Variants in NPFFR1 observed in about 807,000 individuals in gnomAD.
NPFFR1 encodes G-protein coupled receptor 147.
A neutral mutation model predicts 12.7 loss-of-function variants in NPFFR1; 17 were observed. That is an observed-to-expected ratio of 1.34 (90% confidence interval 0.92 to 2.01). The LOEUF (loss-of-function observed/expected upper bound fraction) is 2.01. NPFFR1 is among the 30% of genes most tolerant of loss of function. The pLI is 0.00. For synonymous variants in NPFFR1, 296 were observed against 264.5 expected (o/e 1.12, Z -1.16); for missense variants, 604 against 606.5 (o/e 1.00, Z 0.04).
Position 70,266,383 on chromosome 10 carries a change from A to C in NPFFR1, c.16T>G (p.Ser6Ala), listed in dbSNP as rs1034022832. MEGEP[S>A]QPPNSSWPLS... Reference sequence around the variant, plus strand: ...GGCCAACTGCTGTTGGGAGGCTGGGAGGGCTCCCCTAGGACCAAAGGAATA... The same window carrying C: ...GGCCAACTGCTGTTGGGAGGCTGGGCGGGCTCCCCTAGGACCAAAGGAATA... Residue 6 changes from serine to alanine, a missense_variant, in exon 2 of 4, where the codon TCC (serine) becomes GCC (alanine). Transcript: ENST00000277942. 1.1e-5 allele frequency: 18 copies of C among 1,612,132 alleles called. No individual in the cohort carries two copies. The highest frequency in any genetic ancestry group is 1.5e-5 in the Non-Finnish European group (18 of 1,178,906).
chr10:70,259,761 T>C (rs1436867239), intron 3 of NPFFR1, among the ~76,000 whole-genome samples: 1 of 152,198 alleles, frequency 6.6e-6, no homozygotes, highest in Non-Finnish European at 1.5e-5. Flanking sequence ...CAACTGATAT[T>C]TGGACTCTAT....
At chr10:70,265,497 C>G (rs1181127578) in intron 2 of NPFFR1, among the ~76,000 whole-genome samples, 2 of 152,176 alleles carry the variant, frequency 1.3e-5, no homozygotes, top group Non-Finnish European at 2.9e-5. Context: ...TTAGACACTC[C>G]AAGGGACAGA....
chr10:70,281,088 C>T (rs1247733787), intron 1 of NPFFR1, among the ~76,000 whole-genome samples: 1 of 152,180 alleles, frequency 6.6e-6, no homozygotes. Flanking sequence ...CAGAGATAAC[C>T]CCTATGTTTG....
At chr10:70,273,648 G>A (rs1046164572) in intron 1 of NPFFR1, among the ~76,000 whole-genome samples, 1 of 152,106 alleles carries the variant, frequency 6.6e-6, no homozygotes. Flanking sequence ...TTGAGGGACC[G>A]TCCATCAGGT....
intron 1 of NPFFR1, among the ~76,000 whole-genome samples, chr10:70,278,307 C>T (rs59189206): frequency 1.8e-4 from 25 of 139,016 alleles, no homozygotes; most frequent in African/African-American, 2.8e-4. Flanking sequence ...ACCCACCCCC[C>T]ACCCTGCCCC....
intron 2 of NPFFR1, among the ~76,000 whole-genome samples, chr10:70,264,621 G>A (rs1048727825): frequency 4.6e-5 from 7 of 152,160 alleles, no homozygotes; most frequent in African/African-American, 7.2e-5. Context: ...TAAGTGGGGT[G>A]TGGTGGGAAG....
chr10:70,273,126 A>C (rs1482615241), intron 1 of NPFFR1, among the ~76,000 whole-genome samples: 1 of 152,148 alleles, frequency 6.6e-6, no homozygotes, highest in Admixed American at 6.5e-5. Flanking sequence ...CTCATATCAA[A>C]ATCACCTGGC....
rs777630941 is a variant in NPFFR1 at position 70,255,744 on chromosome 10, G to T, written c.506C>A (p.Ala169Glu). 2.5e-6 allele frequency: 4 copies of T among 1,611,358 alleles called. No homozygotes were observed. The highest frequency in any genetic ancestry group is 3.4e-6 in the Non-Finnish European group (4 of 1,178,914). ...LVTIAVIWAL[A>E]LLIMCPSAVT... ...GGCCGAGGGACACATGATGAGCAGC[G>T]CCAGGGCCCAGATGACGGCGATGGT... Residue 169 changes from alanine (A) to glutamate (E), a missense_variant, in exon 4 of 4, where the codon GCG becomes GAG. Coordinates refer to ENST00000277942, the MANE Select transcript of NPFFR1 (RefSeq NM_022146.5). The surrounding 1 kb of genome is among the most constrained non-coding windows in gnomAD (Gnocchi z 4.2).
chr10:70,256,430 G>C (rs936604162), intron 3 of NPFFR1, among the ~76,000 whole-genome samples: 2 of 152,226 alleles, frequency 1.3e-5, no homozygotes, highest in Non-Finnish European at 2.9e-5. Flanking sequence ...CTAGCAGAGC[G>C]ATCAGAGTGC....
chr10:70,277,708 C>T (rs1434895690), intron 1 of NPFFR1, among the ~76,000 whole-genome samples: 6 of 152,062 alleles, frequency 3.9e-5, no homozygotes, highest in Non-Finnish European at 5.9e-5. Context: ...GGGTAGGCAG[C>T]TGTGGAGGCC....
At chr10:70,266,428 C>T (rs766186540) in intron 1 of NPFFR1, 37 bp from the exon 2 acceptor site, 6 of 1,519,762 alleles carry the variant, frequency 3.9e-6, no homozygotes, top group Non-Finnish European at 5.4e-6. Context: ...GGACCTTAGG[C>T]AAAGAAGAGA....
chr10:70,272,790 C>T (rs1411262083), intron 1 of NPFFR1, among the ~76,000 whole-genome samples: 5 of 152,198 alleles, frequency 3.3e-5, no homozygotes, highest in Admixed American at 6.5e-5. Flanking sequence ...GGACCCGCCC[C>T]CAGATCCAGC....
In NPFFR1 at chr10:70,252,442, AATAG is replaced by A. The variant is rs1355491501; in HGVS notation, c.*2511_*2514del. On this transcript the variant is annotated 3_prime_UTR_variant, in exon 4 of 4. Coordinates refer to ENST00000277942, the MANE Select transcript of NPFFR1 (RefSeq NM_022146.5). ...GTTTGGGATAATAAAAAATTCTGAA[AATAG>A]ATAGTGGTAATGGTTACACAACAAT... The A allele has an allele frequency of 2.0e-5, 3 of 152,234 alleles. No homozygotes were observed. Among genetic ancestry groups the A allele is most frequent in the Non-Finnish European group, 2.9e-5 (2 of 68,034 alleles). 9.4% of individuals were successfully genotyped at this position (152,234 alleles called of 1,614,324 possible).
At chr10:70,266,439 T>C (rs751440576) in intron 1 of NPFFR1, 48 bp from the exon 2 acceptor site, 12 of 1,467,598 alleles carry the variant, frequency 8.2e-6, no homozygotes, top group Non-Finnish European at 1.1e-5. Context: ...AAAGAAGAGA[T>C]TACCGATTTC....
chr10:70,264,366 CAAAAAAAAAAA>C (rs56178146), intron 2 of NPFFR1, among the ~76,000 whole-genome samples: 1 of 74,582 alleles, frequency 1.3e-5, no homozygotes, highest in East Asian at 4.0e-4. Flanking sequence ...AGTGAGACTC[CAAAAAAAAAAA>C]AAAAAAAAAA....
chr10:70,272,942 G>A (rs887307206), intron 1 of NPFFR1, among the ~76,000 whole-genome samples: 91 of 152,346 alleles, frequency 6.0e-4, no homozygotes, highest in East Asian at 1.9e-4. Flanking sequence ...AAAAGTGTGC[G>A]TTTATGTGAA....
Position 70,255,761 on chromosome 10 carries a change from G to A in NPFFR1, c.489C>T (p.Ala163=). The A allele has an allele frequency of 1.2e-6, 2 of 1,611,808 alleles. No homozygotes were observed. The highest frequency in any genetic ancestry group is 2.2e-5 in the South Asian group (2 of 90,542). Reference sequence around the variant, plus strand: ...TGAGCAGCGCCAGGGCCCAGATGACGGCGATGGTGACGAGCGCCTTCCGCA... The same window carrying A: ...TGAGCAGCGCCAGGGCCCAGATGACAGCGATGGTGACGAGCGCCTTCCGCA... ...LTLRKALVTI[A]VIWALALLIM... is the part of the protein sequence containing the mutation. Residue 163 remains alanine (A), a synonymous_variant, in exon 4 of 4, where the codon GCC becomes GCT. Coordinates refer to ENST00000277942, the MANE Select transcript of NPFFR1 (RefSeq NM_022146.5). The surrounding 1 kb of genome is among the most constrained non-coding windows in gnomAD (Gnocchi z 4.2).
chr10:70,279,554 G>A (rs559684832), intron 1 of NPFFR1, among the ~76,000 whole-genome samples: 79 of 151,896 alleles, frequency 5.2e-4, no homozygotes, highest in African/African-American at 1.9e-3. Flanking sequence ...CCACCCCCTG[G>A]GCTTAAGCAA....
chr10:70,263,829 A>T (rs1840659329), intron 2 of NPFFR1, among the ~76,000 whole-genome samples: 1 of 150,230 alleles, frequency 6.7e-6, no homozygotes, highest in Non-Finnish European at 1.5e-5. Context: ...AAGGAAGAAA[A>T]AGCTGGGCAT....
Sources: allele counts gnomAD v4.1 joint callset (sites outside exome capture counted in the v4.1 genomes callset), GRCh38; gene constraint gnomAD v4.1.1; non-coding constraint Gnocchi (gnomAD v3.1); transcripts MANE v1.5; gene names NCBI Gene and HGNC (gene_info 2026-07-23, HGNC 2026-07-21).